UBE2L3: variants seen among roughly 807,000 people sequenced by gnomAD.
The protein encoded by UBE2L3 is ubiquitin-conjugating enzyme E2 L3.
UBE2L3 carries 1 observed loss-of-function variant against 17.8 expected under a neutral mutation model. The observed-to-expected ratio is 0.06, with a 90% CI of 0.02 to 0.27. UBE2L3 has a LOEUF of 0.27. Among genes scored for constraint, UBE2L3 ranks in the 10% least tolerant of loss-of-function variants. UBE2L3 has a pLI of 1.00. For synonymous variants in UBE2L3, 44 were observed against 68.5 expected (o/e 0.64, Z 1.76); for missense variants, 40 against 192.6 (o/e 0.21, Z 4.69).
intron 1 of UBE2L3, among the ~76,000 whole-genome samples, chr22:21,558,097 C>T (rs1926302747): frequency 6.6e-6 from 1 of 150,856 alleles, no homozygotes; most frequent in Admixed American, 6.6e-5. Flanking sequence ...CAGTCTATGA[C>T]TTTTGGGCCA....
At chr22:21,561,277 G>A (rs953256165) in intron 1 of UBE2L3, among the ~76,000 whole-genome samples, 10 of 152,302 alleles carry the variant, frequency 6.6e-5, no homozygotes, top group African/African-American at 2.2e-4. Flanking sequence ...TGCTGCCTTT[G>A]CACTCAAAAG....
chr22:21,591,617 C>G lies in UBE2L3; in HGVS notation c.28-1244C>G, dbSNP rs17004910. 4.7e-3 allele frequency among the ~76,000 whole-genome samples: 713 copies of G among 152,266 alleles called. 7 individuals carry two copies. Among genetic ancestry groups the G allele is most frequent in the African/African-American group, 0.016 (681 of 41,542 alleles). On this transcript the variant is annotated intron_variant, in intron 1 of 3. Transcript: ENST00000342192. Reference sequence around the variant, plus strand: ...CCCTGCCTGTGTAGCCTCAGGGTGCCTTTTAAACTACCACTGTGTGATGGA... The same window carrying G: ...CCCTGCCTGTGTAGCCTCAGGGTGCGTTTTAAACTACCACTGTGTGATGGA...
At chr22:21,603,326 G>A (rs1253672052) in intron 2 of UBE2L3, among the ~76,000 whole-genome samples, 1 of 151,516 alleles carries the variant, frequency 6.6e-6, no homozygotes, top group Non-Finnish European at 1.5e-5. Context: ...TCAGGAGTTC[G>A]AGACCAGCCT....
chr22:21,586,390 C>T (rs576746164), intron 1 of UBE2L3, among the ~76,000 whole-genome samples: 40 of 152,146 alleles, frequency 2.6e-4, no homozygotes, highest in African/African-American at 8.7e-4. Flanking sequence ...CTCAGCCTCC[C>T]GAGTAGCTGA....
At chr22:21,593,629 A>G (rs1361119909) in intron 2 of UBE2L3, among the ~76,000 whole-genome samples, 2 of 151,884 alleles carry the variant, frequency 1.3e-5, no homozygotes, top group Non-Finnish European at 2.9e-5. Context: ...CCTCCCCTTC[A>G]AGAGGCTTGT....
intron 1 of UBE2L3, among the ~76,000 whole-genome samples, chr22:21,584,988 A>G (rs750412015): frequency 9.9e-5 from 15 of 152,222 alleles, no homozygotes; most frequent in Non-Finnish European, 1.9e-4. Flanking sequence ...CAAAATGTGG[A>G]ATTACTGGCA....
intron 1 of UBE2L3, among the ~76,000 whole-genome samples, chr22:21,587,199 C>CT (rs201000210): frequency 0.023 from 3,368 of 145,976 alleles, 127 homozygotes; most frequent in South Asian, 0.13. Context: ...GCATAGATTC[C>CT]TTTTTTTTTT....
Position 21,621,988 on chromosome 22 carries a change from T to TAA in UBE2L3, c.*326_*327dup, listed in dbSNP as rs138201900. The TAA allele has an allele frequency of 5.5e-5, 12 of 218,494 alleles. No individual in the cohort carries two copies. Among genetic ancestry groups the TAA allele is most frequent in the South Asian group, 4.9e-4 (6 of 12,144 alleles). The allele number at this position is 218,494 out of a possible 1,614,324, so 13.5% of individuals were successfully genotyped here. ...CAAGTTACATTTAACCCATAAGGTT[T>TAA]AAAAAAAAGGAAAAAAAACGGTTGT... On this transcript the variant is annotated 3_prime_UTR_variant, in exon 4 of 4. Coordinates refer to ENST00000342192, the MANE Select transcript of UBE2L3 (RefSeq NM_003347.4).
At chr22:21,586,522 C>T (rs561822748) in intron 1 of UBE2L3, among the ~76,000 whole-genome samples, 167 of 150,848 alleles carry the variant, frequency 1.1e-3, no homozygotes, top group African/African-American at 3.8e-3. Context: ...CCGCCCACCT[C>T]GGCCTCCCAA....
intron 1 of UBE2L3, among the ~76,000 whole-genome samples, chr22:21,588,468 T>C (rs997035318): frequency 1.4e-5 from 2 of 142,058 alleles, no homozygotes; most frequent in Admixed American, 6.9e-5. Context: ...TCTTTCTTTT[T>C]TTTTTTTTTT....
intron 3 of UBE2L3, among the ~76,000 whole-genome samples, chr22:21,619,787 G>C (rs1929961055): frequency 6.6e-6 from 1 of 152,182 alleles, no homozygotes; most frequent in Non-Finnish European, 1.5e-5. Context: ...CGTCTCCCGG[G>C]TTCAAGCGAT....
intron 1 of UBE2L3, among the ~76,000 whole-genome samples, chr22:21,578,400 C>T (rs1014775561): frequency 2.0e-5 from 3 of 151,686 alleles, no homozygotes; most frequent in African/African-American, 7.3e-5. Flanking sequence ...ATAAGAAAAC[C>T]TAAGCTTCCT....
chr22:21,579,600 G>C (rs1009285759), intron 1 of UBE2L3, among the ~76,000 whole-genome samples: 6 of 152,032 alleles, frequency 3.9e-5, no homozygotes, highest in Admixed American at 3.3e-4. Context: ...GTGAGACCCT[G>C]TCTCTGCAAA....
chr22:21,597,680 C>T (rs889227710), intron 2 of UBE2L3, among the ~76,000 whole-genome samples: 4 of 150,536 alleles, frequency 2.7e-5, no homozygotes, highest in Non-Finnish European at 5.9e-5. Context: ...GACACTGTTG[C>T]CAAATCCAAG....
At chr22:21,568,066 G>C in intron 1 of UBE2L3, 1 of 1,258,852 alleles carries the variant, frequency 7.9e-7, no homozygotes, top group South Asian at 2.5e-5. Context: ...CGGAGGCCGC[G>C]GTCCGATCTG....
At chr22:21,607,789 G>C (rs927854358) in intron 2 of UBE2L3, among the ~76,000 whole-genome samples, 2 of 152,196 alleles carry the variant, frequency 1.3e-5, no homozygotes, top group Non-Finnish European at 2.9e-5. Context: ...GCTAGGGCAT[G>C]GTGCTGGCCC....
intron 3 of UBE2L3, among the ~76,000 whole-genome samples, chr22:21,617,558 C>T (rs1039059869): frequency 3.9e-4 from 60 of 152,016 alleles, no homozygotes; most frequent in Admixed American, 1.6e-3. Context: ...TGAGCTGCTG[C>T]GCCCGGCCTG....
intron 2 of UBE2L3, among the ~76,000 whole-genome samples, chr22:21,601,558 A>G (rs889231868): frequency 2.0e-5 from 3 of 151,602 alleles, no homozygotes; most frequent in Non-Finnish European, 4.4e-5. Context: ...CAAGTGATCC[A>G]CTCACCTCAG....
At chr22:21,560,821 C>G (rs1259721902) in intron 1 of UBE2L3, among the ~76,000 whole-genome samples, 2 of 151,190 alleles carry the variant, frequency 1.3e-5, no homozygotes, top group South Asian at 2.1e-4. Context: ...CCCAAAGGCA[C>G]GAGTAGCAAT....
Sources: allele counts gnomAD v4.1 joint callset (sites outside exome capture counted in the v4.1 genomes callset), GRCh38; gene constraint gnomAD v4.1.1; transcripts MANE v1.5; gene names NCBI Gene and HGNC (gene_info 2026-07-23, HGNC 2026-07-21).